The following TMTC2 variants were observed in gnomAD, a reference collection of about 807,000 sequenced individuals.
TMTC2 encodes the protein protein O-mannosyl-transferase TMTC2.
A neutral mutation model predicts 82.4 loss-of-function variants in TMTC2; 43 were observed. The ratio of observed to expected loss-of-function variants is 0.52; its 90% CI spans 0.41 to 0.67. The LOEUF (loss-of-function observed/expected upper bound fraction) is 0.67, where lower values mean the gene tolerates loss of function less well. TMTC2 is among the 30% of genes least tolerant of loss of function. The pLI, the probability that TMTC2 is intolerant of heterozygous loss-of-function variation, is 0.00. For missense variants in TMTC2, 919 were observed against 1,012.4 expected, an observed-to-expected ratio of 0.91 and a Z score of 1.25; for synonymous variants, 408 against 381.9, an observed-to-expected ratio of 1.07 and a Z score of -0.80.
chr12:82,751,893 A>ATTTAT (rs1876028250), intron 1 of TMTC2, among the ~76,000 whole-genome samples: 1 of 152,220 alleles, frequency 6.6e-6, no homozygotes, highest in African/African-American at 2.4e-5. Context: ...AAGGATGAAC[A>ATTTAT]AAATGCCAAA....
chr12:83,132,722 A>T lies in TMTC2; in HGVS notation c.*333A>T. On this transcript the variant is annotated 3_prime_UTR_variant, in exon 12 of 12. Coordinates refer to ENST00000321196, the MANE Select transcript of TMTC2 (RefSeq NM_152588.3). ...TGTTCATTTTCTGAAAGCTAATTTC[A>T]AAATTATGTTGTTCCTTAAACACTG... 3.9e-6 allele frequency: 1 copy of T among 258,974 alleles called. No homozygotes were observed. Among genetic ancestry groups the T allele is most frequent in the Non-Finnish European group, 7.3e-6 (1 of 137,348 alleles). The allele number at this position is 258,974 out of a possible 1,614,324, so 16.0% of individuals were successfully genotyped here.
chr12:82,820,390 A>G (rs1869020089), intron 1 of TMTC2, among the ~76,000 whole-genome samples: 1 of 150,694 alleles, frequency 6.6e-6, no homozygotes, highest in South Asian at 2.1e-4. Flanking sequence ...TTTTTTTTCG[A>G]GACACAGTCT....
chr12:82,772,804 A>G (rs567646573), intron 1 of TMTC2, among the ~76,000 whole-genome samples: 2 of 152,156 alleles, frequency 1.3e-5, no homozygotes, highest in African/African-American at 4.8e-5. Flanking sequence ...ACCTATTTAA[A>G]TTCTACGTTG....
intron 1 of TMTC2, among the ~76,000 whole-genome samples, chr12:82,781,398 T>TG (rs1230592981): frequency 1.1e-5 from 1 of 95,094 alleles, no homozygotes; most frequent in Non-Finnish European, 2.1e-5. Flanking sequence ...TGGAGTTTGC[T>TG]CTTTTTTTTT....
chr12:83,005,233 A>G (rs1592687995), intron 8 of TMTC2, among the ~76,000 whole-genome samples: 5 of 136,912 alleles, frequency 3.7e-5, no homozygotes, highest in African/African-American at 8.7e-5. Flanking sequence ...AAGGGGAGAG[A>G]GAGAAAAGAA....
At chr12:82,966,581 T>A (rs1231351356) in intron 6 of TMTC2, among the ~76,000 whole-genome samples, 2 of 152,194 alleles carry the variant, frequency 1.3e-5, no homozygotes, top group African/African-American at 4.8e-5. Flanking sequence ...GCACTTTAGA[T>A]GACTAATGGG....
chr12:83,040,284 G>A (rs943087348), intron 9 of TMTC2, among the ~76,000 whole-genome samples: 2 of 152,160 alleles, frequency 1.3e-5, no homozygotes, highest in African/African-American at 2.4e-5. Flanking sequence ...TGTGAGCCTT[G>A]TGGGTCTCCA....
intron 11 of TMTC2, among the ~76,000 whole-genome samples, chr12:83,108,972 T>C (rs1884508246): frequency 6.6e-6 from 1 of 152,194 alleles, no homozygotes; most frequent in African/African-American, 2.4e-5. Context: ...TCACTTCTGT[T>C]CACGTAAGAT....
intron 3 of TMTC2, 34 bp downstream of exon 3, chr12:82,896,680 T>G (rs1315354962): frequency 6.6e-7 from 1 of 1,519,912 alleles, no homozygotes; most frequent in Admixed American, 2.0e-5. Context: ...GTCTGGATAG[T>G]TTACACTTTC....
intron 1 of TMTC2, among the ~76,000 whole-genome samples, chr12:82,781,902 G>A (rs974951421): frequency 2.6e-5 from 4 of 151,782 alleles, no homozygotes; most frequent in Admixed American, 6.6e-5. Flanking sequence ...CCTGTTTAAT[G>A]CTAATTAGGC....
At chr12:82,732,515 T>A (rs1462766245) in intron 1 of TMTC2, among the ~76,000 whole-genome samples, 4 of 152,172 alleles carry the variant, frequency 2.6e-5, no homozygotes, top group Non-Finnish European at 5.9e-5. Context: ...GCTAATTTTT[T>A]TGTATTTTTA....
intron 1 of TMTC2, among the ~76,000 whole-genome samples, chr12:82,789,123 A>G (rs1253936561): frequency 2.0e-5 from 3 of 152,162 alleles, no homozygotes; most frequent in African/African-American, 4.8e-5. Flanking sequence ...CCTTTTGCCA[A>G]ATGGCTTCCT....
intron 3 of TMTC2, among the ~76,000 whole-genome samples, chr12:82,901,773 G>A (rs1041842326): frequency 1.3e-5 from 2 of 152,052 alleles, no homozygotes; most frequent in African/African-American, 2.4e-5. Flanking sequence ...TGCTATAGCC[G>A]TGGGTGCCAG....
chr12:83,055,021 A>T (rs1882488357), intron 10 of TMTC2, among the ~76,000 whole-genome samples: 1 of 152,074 alleles, frequency 6.6e-6, no homozygotes, highest in Non-Finnish European at 1.5e-5. Flanking sequence ...CACAGCTAGG[A>T]ATAATTCCCA....
chr12:83,061,757 T>A lies in TMTC2; in HGVS notation c.2268-11T>A. 6.3e-7 allele frequency: 1 copy of A among 1,582,972 alleles called. No homozygotes were observed. The highest frequency in any genetic ancestry group is 8.6e-7 in the Non-Finnish European group (1 of 1,167,482). The stretch of plus-strand genomic sequence containing the variant: ...ATATGATATAGTTTTATTTTATTTT[T>A]TCTTTTACAGACAGGCTAGCCTCAA... On this transcript the variant is annotated splice_polypyrimidine_tract_variant and intron_variant, in intron 10 of 11. Coordinates refer to ENST00000321196, the MANE Select transcript of TMTC2 (RefSeq NM_152588.3).
At chr12:83,090,696 T>C (rs1263170676) in intron 11 of TMTC2, among the ~76,000 whole-genome samples, 1 of 152,188 alleles carries the variant, frequency 6.6e-6, no homozygotes, top group East Asian at 1.9e-4. Flanking sequence ...CTCCTACCAT[T>C]GCACAGTTGC....
intron 4 of TMTC2, among the ~76,000 whole-genome samples, chr12:82,957,018 C>G (rs1275364003): frequency 6.6e-6 from 1 of 152,148 alleles, no homozygotes; most frequent in Non-Finnish European, 1.5e-5. Context: ...AGATTCAACA[C>G]TGGACCAACT....
intron 1 of TMTC2, among the ~76,000 whole-genome samples, chr12:82,727,179 T>G (rs1179882995): frequency 5.9e-5 from 9 of 152,104 alleles, no homozygotes; most frequent in Admixed American, 5.9e-4. Context: ...AAAAGAAGAA[T>G]AATTAAGCTG....
At chr12:82,727,565 A>G (rs1306547984) in intron 1 of TMTC2, among the ~76,000 whole-genome samples, 3 of 152,042 alleles carry the variant, frequency 2.0e-5, no homozygotes, top group Admixed American at 6.6e-5. Flanking sequence ...TAATAAAAAT[A>G]CAAAAATTAG....
Sources: allele counts gnomAD v4.1 joint callset (sites outside exome capture counted in the v4.1 genomes callset), GRCh38; gene constraint gnomAD v4.1.1; transcripts MANE v1.5; gene names NCBI Gene and HGNC (gene_info 2026-07-23, HGNC 2026-07-21).